Variants in RFC4 observed in about 807,000 individuals in gnomAD.
RFC4 encodes the protein A1 37 kDa subunit.
A neutral mutation model predicts 47.6 loss-of-function variants in RFC4; 38 were observed. The ratio of observed to expected loss-of-function variants is 0.80; its 90% CI spans 0.62 to 1.05. The LOEUF is 1.05. Ranked by LOEUF, RFC4 falls within the 50% of genes least tolerant of loss-of-function variation. The pLI, the probability that RFC4 is intolerant of heterozygous loss-of-function variation, is 0.00. For missense variants in RFC4, 489 were observed against 434.0 expected, an observed-to-expected ratio of 1.13 and a Z score of -1.13; for synonymous variants, 164 against 150.0, an observed-to-expected ratio of 1.09 and a Z score of -0.68.
At chr3:186,801,456 G>A in intron 2 of RFC4, 1 of 427,704 alleles carries the variant, frequency 2.3e-6, no homozygotes, top group Non-Finnish European at 4.2e-6. Context: ...TAAAGAAAAA[G>A]GATTTTATTT....
intron 4 of RFC4, 23 bp downstream of exon 4, chr3:186,797,512 A>G: frequency 6.5e-7 from 1 of 1,529,264 alleles, no homozygotes; most frequent in African/African-American, 1.4e-5. Flanking sequence ...TAAAAAAAGA[A>G]AAACAGACTG....
Position 186,796,740 on chromosome 3 carries a change from A to G in RFC4, c.290+795T>C, listed in dbSNP as rs1159356269. ...GGTGATCCACCTGCCTCGGCCTCCCAAAGTGCTGGGATTACAGATGTGAGC... is the reference window on the plus strand; with the variant it reads ...GGTGATCCACCTGCCTCGGCCTCCCGAAGTGCTGGGATTACAGATGTGAGC... On this transcript the variant is annotated intron_variant, in intron 4 of 10. Coordinates refer to ENST00000296273, the MANE Select transcript of RFC4 (RefSeq NM_002916.5). The surrounding 1 kb of genome is among the most constrained non-coding windows in gnomAD (Gnocchi z 4.2). Among the ~76,000 whole-genome samples, 1 of 152,200 alleles carries G rather than the reference A, an allele frequency of 6.6e-6. No homozygotes were observed. Among genetic ancestry groups the G allele is most frequent in the African/African-American group, 2.4e-5 (1 of 41,454 alleles).
At position 186,793,199 on chromosome 3, in the gene RFC4, T is replaced by C. The variant is rs1207162132; in HGVS notation, c.411-252A>G. ...AGTCATTCCCAGCTCTAGGCAATCA[T>C]TAGTCTACTTTCATCTCTATAGATT... On this transcript the variant is annotated intron_variant, in intron 5 of 10. Transcript: ENST00000296273. This position sits in a 1 kb window ranked among gnomAD's most constrained non-coding sequence, Gnocchi z 4.2. 3.9e-5 allele frequency among the ~76,000 whole-genome samples: 6 copies of C among 152,226 alleles called. No individual in the cohort carries two copies. The highest frequency in any genetic ancestry group is 7.3e-5 in the Non-Finnish European group (5 of 68,048).
At chr3:186,794,821 G>C (rs1455210859) in intron 4 of RFC4, 44 bp from the exon 5 acceptor site, 1 of 1,604,668 alleles carries the variant, frequency 6.2e-7, no homozygotes, top group South Asian at 1.1e-5. Flanking sequence ...GCACAAGTAG[G>C]CTTAAATCAC....
chr3:186,792,396 T>A (rs1160877935), intron 7 of RFC4, 94 bp downstream of exon 7: 2 of 1,093,674 alleles, frequency 1.8e-6, no homozygotes, highest in East Asian at 2.4e-5. Context: ...GGCATCAGGA[T>A]TGAGGCAACA....
chr3:186,790,438 TTTCTAGGTGAGACTAGACATACA>T (rs1722076148), intron 8 of RFC4, 32 bp from the exon 9 acceptor site: 7 of 1,495,816 alleles, frequency 4.7e-6, no homozygotes, highest in Non-Finnish European at 6.5e-6. Flanking sequence ...ATTAAAGATG[TTTCTAGGTGAGACTAGACATACA>T]CTCTGCCAAC....
At chr3:186,801,264 T>G in intron 2 of RFC4, 69 bp from the exon 3 acceptor site, 1 of 1,108,196 alleles carries the variant, frequency 9.0e-7, no homozygotes, top group South Asian at 1.3e-5. Context: ...CTCTCAAGTG[T>G]TCCTTCTACT....
chr3:186,799,700 A>T (rs1722312199), intron 3 of RFC4, among the ~76,000 whole-genome samples: 1 of 151,900 alleles, frequency 6.6e-6, no homozygotes, highest in South Asian at 2.1e-4. Context: ...GTGACAGAGC[A>T]AGACTCTGTC....
Position 186,796,982 on chromosome 3 carries a change from T to C in RFC4, c.290+553A>G, listed in dbSNP as rs1198535280. ...GATGGTCAATCTAGGAAGAGGAACA[T>C]AAGAAGGTGACTCACAGGAAGATTT... On this transcript the variant is annotated intron_variant, in intron 4 of 10. Transcript: ENST00000296273. The surrounding 1 kb of genome is among the most constrained non-coding windows in gnomAD (Gnocchi z 4.2). Among the ~76,000 whole-genome samples the C allele has an allele frequency of 6.6e-6, 1 of 152,078 alleles. No homozygotes were observed. The highest frequency in any genetic ancestry group is 6.5e-5 in the Admixed American group (1 of 15,280).
At chr3:186,792,398 G>T in intron 7 of RFC4, 92 bp downstream of exon 7, 1 of 1,118,772 alleles carries the variant, frequency 8.9e-7, no homozygotes, top group Non-Finnish European at 1.3e-6. Flanking sequence ...CATCAGGATT[G>T]AGGCAACACA....
intron 4 of RFC4, among the ~76,000 whole-genome samples, chr3:186,795,239 C>G (rs1310920828): frequency 1.3e-5 from 2 of 152,190 alleles, no homozygotes; most frequent in Non-Finnish European, 2.9e-5. Context: ...GATCCTTCCA[C>G]CTTGGCCTCC....
intron 8 of RFC4, 113 bp from the exon 9 acceptor site, chr3:186,790,519 C>T: frequency 2.6e-6 from 2 of 778,066 alleles, no homozygotes; most frequent in South Asian, 2.9e-5. Context: ...AAGTTCCATA[C>T]TTTCCTGGGA....
chr3:186,793,695 C>G lies in RFC4; in HGVS notation c.411-748G>C, dbSNP rs1377633018. 6.6e-6 allele frequency among the ~76,000 whole-genome samples: 1 copy of G among 150,584 alleles called. No individual in the cohort carries two copies. The highest frequency in any genetic ancestry group is 1.5e-5 in the Non-Finnish European group (1 of 67,836). ...AGCATCTTTTAATGTGCTTATTACA[C>G]ATGCACGAAATGTCTATGCAGATCC... On this transcript the variant is annotated intron_variant, in intron 5 of 10. Coordinates refer to ENST00000296273, the MANE Select transcript of RFC4 (RefSeq NM_002916.5). The surrounding 1 kb of genome is among the most constrained non-coding windows in gnomAD (Gnocchi z 4.2).
intron 8 of RFC4, among the ~76,000 whole-genome samples, 188 bp from the exon 9 acceptor site, chr3:186,790,594 C>T (rs541768088): frequency 9.9e-5 from 15 of 152,242 alleles, no homozygotes; most frequent in African/African-American, 3.4e-4. Context: ...AAGGTGCTAA[C>T]AACTGTGCTT....
intron 8 of RFC4, 51 bp from the exon 9 acceptor site, chr3:186,790,457 A>G (rs541471371): frequency 6.9e-6 from 9 of 1,304,648 alleles, no homozygotes; most frequent in South Asian, 3.5e-5. Context: ...GAGACTAGAC[A>G]TACACTCTGC....
intron 1 of RFC4, among the ~76,000 whole-genome samples, chr3:186,805,139 C>T (rs960566585): frequency 6.6e-6 from 1 of 152,216 alleles, no homozygotes; most frequent in African/African-American, 2.4e-5. Context: ...GAAATGGACT[C>T]TTCGGCAATT....
intron 3 of RFC4, among the ~76,000 whole-genome samples, chr3:186,799,815 AATT>A (rs1259753964): frequency 6.6e-6 from 1 of 152,210 alleles, no homozygotes; most frequent in Non-Finnish European, 1.5e-5. Context: ...CAATCTGTGT[AATT>A]ACTATGCAAC....
chr3:186,795,561 G>A (rs994071297), intron 4 of RFC4, among the ~76,000 whole-genome samples: 1 of 152,116 alleles, frequency 6.6e-6, no homozygotes, highest in Admixed American at 6.5e-5. Flanking sequence ...TTGGGAGGCC[G>A]AGGCGGGTGG....
rs1579177474 is a variant in RFC4 at position 186,792,575 on chromosome 3, A to G, written c.590T>C (p.Phe197Ser). The change falls in exon 7 of 11, where the codon TTC (phenylalanine) becomes TCC (serine). Residue 197 changes from phenylalanine (F) to serine (S), a missense_variant. Phe to Ser is a radical substitution (Grantham distance 155). Around this residue, in one of 2 missense-constraint regions of RFC4, gnomAD observed 206 missense variants for 257.8 expected, o/e 0.80. Coordinates refer to ENST00000296273, the MANE Select transcript of RFC4 (RefSeq NM_002916.5). Reference sequence around the variant, plus strand: ...TTTATCTGACAGAGGCTTGAAGCGGAATTTTGAACATCTAGAGGTCAGGGG... The same window carrying G: ...TTTATCTGACAGAGGCTTGAAGCGGGATTTTGAACATCTAGAGGTCAGGGG... ...IEPLTSRCSK[F>S]RFKPLSDKIQ... The G allele has an allele frequency of 6.2e-7, 1 of 1,614,044 alleles. No homozygotes were observed. Among genetic ancestry groups the G allele is most frequent in the Non-Finnish European group, 8.5e-7 (1 of 1,179,940 alleles).
Sources: allele counts gnomAD v4.1 joint callset (sites outside exome capture counted in the v4.1 genomes callset), GRCh38; gene constraint gnomAD v4.1.1; regional missense constraint gnomAD v4.1.1; non-coding constraint Gnocchi (gnomAD v3.1); transcripts MANE v1.5; gene names NCBI Gene and HGNC (gene_info 2026-07-23, HGNC 2026-07-21).